Variants in HTR4 observed in about 807,000 individuals in gnomAD.
HTR4 encodes the protein 5-hydroxytryptamine (serotonin) receptor 4, G protein-coupled.
A neutral mutation model predicts 36.8 loss-of-function variants in HTR4; 16 were observed. The ratio of observed to expected loss-of-function variants is 0.43; its 90% CI spans 0.29 to 0.66. HTR4 has a LOEUF of 0.66. Among genes scored for constraint, HTR4 ranks in the 30% least tolerant of loss-of-function variants. The probability of loss-of-function intolerance (pLI) is 0.13; values close to 1 mark genes in which losing one functional copy is unlikely to be tolerated. For missense variants in HTR4, 438 were observed against 490.9 expected (o/e 0.89, Z 1.02); for synonymous variants, 189 against 185.1 (o/e 1.02, Z -0.17).
intron 5 of HTR4, among the ~76,000 whole-genome samples, chr5:148,522,072 T>C (rs1214605231): frequency 6.6e-6 from 1 of 152,100 alleles, no homozygotes; most frequent in Non-Finnish European, 1.5e-5. Flanking sequence ...ATATGTCTCA[T>C]GAGATCTGAT....
rs2113716696 is a variant in HTR4 at position 148,482,168 on chromosome 5, C to T, written c.*1035G>A. ...CATTGCCTCGGCATCCCCAGTGCTG[C>T]TGGATCCTGCCCTCCTGCACCTTGG... On this transcript the variant is annotated 3_prime_UTR_variant, in exon 7 of 7. Transcript: ENST00000377888. 1.0e-6 allele frequency: 1 copy of T among 985,748 alleles called. No individual in the cohort carries two copies. The highest frequency in any genetic ancestry group is 1.2e-6 in the Non-Finnish European group (1 of 830,200). The allele number at this position is 985,748 out of a possible 1,614,324, so 61.1% of individuals were successfully genotyped here.
chr5:148,461,867 ACTTAC>A (rs1169342548), intron 5 of HTR4: 1 of 152,024 alleles, frequency 6.6e-6, no homozygotes, highest in African/African-American at 2.4e-5. Flanking sequence ...TCTACATAAA[ACTTAC>A]CTTAACAAAT....
chr5:148,540,309 C>T (rs73268346), intron 4 of HTR4, among the ~76,000 whole-genome samples: 6,592 of 148,012 alleles, frequency 0.045, 174 homozygotes, highest in South Asian at 0.06. Flanking sequence ...ATGTATACAA[C>T]GAACCCCTGT....
At chr5:148,594,201 A>G (rs976257425) in intron 2 of HTR4, among the ~76,000 whole-genome samples, 21 of 152,172 alleles carry the variant, frequency 1.4e-4, no homozygotes, top group African/African-American at 4.6e-4. Context: ...CAAATATAAT[A>G]ATAGAATTCT....
At chr5:148,481,281 T>C (rs979105877), downstream of HTR4, among the ~76,000 whole-genome samples, 1 of 152,176 alleles carries the variant, frequency 6.6e-6, no homozygotes, top group African/African-American at 2.4e-5. Context: ...TCAAAGGGGA[T>C]TGGTCCAGCC....
rs1238395951 is a variant in HTR4, at chr5:148,654,106, C to G, written c.-92G>C. 1 of 984,874 alleles carries G rather than the reference C, an allele frequency of 1.0e-6. No individual in the cohort carries two copies. Among genetic ancestry groups the G allele is most frequent in the African/African-American group, 1.7e-5 (1 of 57,206 alleles). The allele number at this position is 984,874 out of a possible 1,614,324, so 61.0% of individuals were successfully genotyped here. A position where few individuals can be genotyped will look rare whatever the true frequency, so the allele number is the denominator to read the frequency against. On this transcript the variant is annotated 5_prime_UTR_variant, in exon 1 of 7. Transcript: ENST00000377888. ...AGCGAGGTGCCCTGGCAGATTCGAG[C>G]GGCCACCCCCAGCCGCTGAGCCGAG...
chr5:148,468,267 A>G (rs1755481785), intron 5 of HTR4, among the ~76,000 whole-genome samples: 1 of 152,222 alleles, frequency 6.6e-6, no homozygotes, highest in Admixed American at 6.5e-5. Flanking sequence ...CAGTAGAGAC[A>G]TGGGATCCCA....
chr5:148,479,002 CCA>C (rs946763868), downstream of HTR4, among the ~76,000 whole-genome samples: 3 of 151,990 alleles, frequency 2.0e-5, no homozygotes, highest in African/African-American at 7.2e-5. Flanking sequence ...CATGCCCCCT[CCA>C]GTTTTTTTTT....
chr5:148,549,031 G>A (rs1759542236), intron 3 of HTR4, among the ~76,000 whole-genome samples, 163 bp from the exon 4 acceptor site: 1 of 152,122 alleles, frequency 6.6e-6, no homozygotes, highest in Non-Finnish European at 1.5e-5. Flanking sequence ...AGTGTATTCC[G>A]TGAGATTCAA....
chr5:148,593,450 G>A (rs1436614220), intron 2 of HTR4, among the ~76,000 whole-genome samples: 1 of 152,158 alleles, frequency 6.6e-6, no homozygotes, highest in African/African-American at 2.4e-5. Context: ...AGGAAACACA[G>A]CATCATCATT....
At chr5:148,569,433 G>A (rs1428648718) in intron 2 of HTR4, among the ~76,000 whole-genome samples, 1 of 151,926 alleles carries the variant, frequency 6.6e-6, no homozygotes, top group African/African-American at 2.4e-5. Flanking sequence ...TGAGTTGATA[G>A]GTGCAGCAAA....
chr5:148,496,067 T>TC (rs1333834928), intron 6 of HTR4, among the ~76,000 whole-genome samples: 1 of 152,186 alleles, frequency 6.6e-6, no homozygotes, highest in African/African-American at 2.4e-5. Context: ...GCCACTGCAC[T>TC]CCAGCCTGGG....
At chr5:148,471,198 T>A (rs565230544) in intron 5 of HTR4, among the ~76,000 whole-genome samples, 1 of 152,274 alleles carries the variant, frequency 6.6e-6, no homozygotes, top group South Asian at 2.1e-4. Context: ...CTGTACTTTC[T>A]CCAGTCAATT....
intron 2 of HTR4, among the ~76,000 whole-genome samples, chr5:148,620,709 A>T (rs1193495164): frequency 6.6e-6 from 1 of 152,238 alleles, no homozygotes; most frequent in Non-Finnish European, 1.5e-5. Flanking sequence ...TTAAAATCAC[A>T]TATGTGGCTA....
intron 2 of HTR4, among the ~76,000 whole-genome samples, chr5:148,560,094 A>T (rs1161997453): frequency 6.6e-6 from 1 of 151,804 alleles, no homozygotes; most frequent in Non-Finnish European, 1.5e-5. Flanking sequence ...GAGGAAGAAA[A>T]TATTTCTTAT....
At chr5:148,475,621 C>T (rs1371651205), downstream of HTR4, among the ~76,000 whole-genome samples, 1 of 152,230 alleles carries the variant, frequency 6.6e-6, no homozygotes, top group Non-Finnish European at 1.5e-5. Context: ...CCTTTGCCTT[C>T]TCAGATTAGA....
At chr5:148,465,954 G>T in intron 5 of HTR4, 3 of 1,606,194 alleles carry the variant, frequency 1.9e-6, no homozygotes, top group Non-Finnish European at 2.5e-6. Context: ...AACAGCCACA[G>T]ATGAGGGAGA....
rs1757415643 is a variant in HTR4, at chr5:148,509,911, G to A, written c.621C>T (p.Leu207=). The A allele has an allele frequency of 6.2e-7, 1 of 1,613,894 alleles. No homozygotes were observed. ...SVVAFYIPFL[L]MVLAYYRIYV... ...AGATGCGGTAATAGGCCAGCACCAT[G>A]AGGAGAAATGGGATGTAGAAGGCCA... Residue 207 remains leucine, a synonymous_variant, in exon 6 of 7, where the codon CTC becomes CTT. Coordinates refer to ENST00000377888, the MANE Select transcript of HTR4 (RefSeq NM_000870.7).
At chr5:148,528,970 GC>G (rs1350863629) in intron 4 of HTR4, among the ~76,000 whole-genome samples, 1 of 145,990 alleles carries the variant, frequency 6.8e-6, no homozygotes, top group East Asian at 2.4e-4. Context: ...AAGAATAATG[GC>G]AAAAACCACG....
Sources: gnomAD v4.1 joint callset for allele counts (sites outside exome capture counted in the v4.1 genomes callset) on GRCh38, gnomAD v4.1.1 for gene constraint, MANE v1.5 for transcripts, NCBI Gene and HGNC (gene_info 2026-07-23, HGNC 2026-07-21) for gene names.